PCARE: variants seen among roughly 807,000 people sequenced by gnomAD.
The protein encoded by PCARE is photoreceptor cilium actin regulator, also known as uncharacterized protein C2orf71.
Under a neutral mutation model 82.2 loss-of-function variants are expected in PCARE, and 72 were observed. The observed-to-expected ratio is 0.88, with a 90% confidence interval of 0.72 to 1.07. The LOEUF (loss-of-function observed/expected upper bound fraction) is 1.07, where lower values mean the gene tolerates loss of function less well. PCARE is among the 50% of genes least tolerant of loss of function. The pLI, the probability that PCARE is intolerant of heterozygous loss-of-function variation, is 0.00. For synonymous variants in PCARE, 705 were observed against 634.8 expected, an observed-to-expected ratio of 1.11 and a Z score of -1.66; for missense variants, 1,768 against 1,592.4, an observed-to-expected ratio of 1.11 and a Z score of -1.88.
Position 29,071,455 on chromosome 2 carries a change from A to G in PCARE, c.2807T>C (p.Val936Ala). ...SPPATSQSPE[V>A]KGGTWSQAEK... is the part of the protein sequence containing the mutation. ...TGCCTGACTCCAAGTCCCACCCTTC[A>G]CCTCGGGGCTTTGGCTGGTGGCTGG... Residue 936 changes from valine to alanine, a missense_variant, in exon 1 of 2, where the codon GTG (valine) becomes GCG (alanine). Physicochemically the swap from Val to Ala is moderately conservative, Grantham distance 64. Coordinates refer to ENST00000331664, the MANE Select transcript of PCARE (RefSeq NM_001029883.3). 6.2e-7 allele frequency: 1 copy of G among 1,612,360 alleles called. No individual in the cohort carries two copies. Among genetic ancestry groups the G allele is most frequent in the Middle Eastern group, 1.7e-4 (1 of 6,048 alleles).
At chr2:29,070,423 A>C (rs1269561704) in intron 1 of PCARE, among the ~76,000 whole-genome samples, 171 bp downstream of exon 1, 1 of 152,110 alleles carries the variant, frequency 6.6e-6, no homozygotes, top group African/African-American at 2.4e-5. Flanking sequence ...CAGTAACTCA[A>C]GGTTGGAGAG....
In PCARE at chr2:29,072,548, T is replaced by A. The variant is rs997227642; in HGVS notation, c.1714A>T (p.Thr572Ser). The change falls in exon 1 of 2, where the codon ACA (threonine) becomes TCA (serine). Residue 572 changes from threonine to serine, a missense_variant. Physicochemically the swap from Thr to Ser is moderately conservative, Grantham distance 58 (BLOSUM62 1). Transcript: ENST00000331664. ...QDWSEEEEGR[T>S]VVPPRPSTVS... ...GTGCTAGGTCTTGGGGGGACCACTG[T>A]CCTCCCCTCCTCCTCCTCAGACCAG... 6.2e-7 allele frequency: 1 copy of A among 1,614,068 alleles called. No individual in the cohort carries two copies. The highest frequency in any genetic ancestry group is 8.5e-7 in the Non-Finnish European group (1 of 1,180,004).
chr2:29,073,867 T>G lies in PCARE; in HGVS notation c.395A>C (p.Asp132Ala). Residue 132 changes from aspartate to alanine, a missense_variant, in exon 1 of 2, where the codon GAT becomes GCT. Asp to Ala is a moderately radical substitution (Grantham distance 126). Coordinates refer to ENST00000331664, the MANE Select transcript of PCARE (RefSeq NM_001029883.3). ...TTGGGTACTACTTTCCTCACTCTCATCTCCAGAAAAGTCTGCCCCTTGTGA... is the reference window on the plus strand; with the variant it reads ...TTGGGTACTACTTTCCTCACTCTCAGCTCCAGAAAAGTCTGCCCCTTGTGA... ...HGSQGADFSG[D>A]ESEESSTQDT... The G allele has an allele frequency of 6.2e-7, 1 of 1,614,214 alleles. No individual in the cohort carries two copies. Among genetic ancestry groups the G allele is most frequent in the Non-Finnish European group, 8.5e-7 (1 of 1,180,038 alleles).
At position 29,072,250 on chromosome 2, in the gene PCARE, G is replaced by A; in HGVS notation, c.2012C>T (p.Thr671Ile). 2 of 1,614,202 alleles carry A rather than the reference G, an allele frequency of 1.2e-6. No homozygotes were observed. Among genetic ancestry groups the A allele is most frequent in the Non-Finnish European group, 1.7e-6 (2 of 1,180,036 alleles). ...NTTSRLKASLTKNFSILPSQD... is the reference protein window; with the variant it reads ...NTTSRLKASLIKNFSILPSQD... ...ACTAGGCAAAATACTGAAGTTCTTG[G>A]TGAGGGATGCCTTGAGCCTGCTGGT... The change falls in exon 1 of 2, where the codon ACC becomes ATC. Residue 671 changes from threonine to isoleucine, a missense_variant. Transcript: ENST00000331664.
chr2:29,068,283 T>G (rs1212519802), intron 1 of PCARE, among the ~76,000 whole-genome samples: 1 of 152,160 alleles, frequency 6.6e-6, no homozygotes, highest in Non-Finnish European at 1.5e-5. Flanking sequence ...GAAGTTTATC[T>G]AACTGTAATA....
rs1214168160 is a variant in PCARE, at chr2:29,062,376, C to A, written c.*2493G>T. 6.6e-6 allele frequency: 1 copy of A among 152,338 alleles called. No homozygotes were observed. Among genetic ancestry groups the A allele is most frequent in the African/African-American group, 2.4e-5 (1 of 41,464 alleles). 9.4% of individuals were successfully genotyped at this position (152,338 alleles called of 1,614,324 possible). A position where few individuals can be genotyped will look rare whatever the true frequency, so the allele number is the denominator to read the frequency against. On this transcript the variant is annotated 3_prime_UTR_variant, in exon 2 of 2. Transcript: ENST00000331664. ...GTCCTCCAGAGGGACAAGGAGGCATCATGGGCATCTCCACAGCTGATGGCA... is the reference window on the plus strand; with the variant it reads ...GTCCTCCAGAGGGACAAGGAGGCATAATGGGCATCTCCACAGCTGATGGCA...
rs185972782 is a variant in PCARE at position 29,072,750 on chromosome 2, G to C, written c.1512C>G (p.Ala504=). 6.2e-7 allele frequency: 1 copy of C among 1,614,048 alleles called. No individual in the cohort carries two copies. The highest frequency in any genetic ancestry group is 8.5e-7 in the Non-Finnish European group (1 of 1,180,004). The part of the protein sequence containing the change: ...EDKMSSMSLC[A]WQEKTPHSRP... ...TTGAATGTGGAGTTTTTTCCTGCCA[G>C]GCACACAGACTCATGCTGCTCATTT... The change falls in exon 1 of 2, where the codon GCC becomes GCG. Residue 504 remains alanine, a synonymous_variant. Transcript: ENST00000331664.
intron 1 of PCARE, among the ~76,000 whole-genome samples, chr2:29,065,763 T>C (rs1033075140): frequency 6.6e-5 from 10 of 151,986 alleles, no homozygotes; most frequent in Admixed American, 6.6e-4. Flanking sequence ...CTTCCCAGAG[T>C]GGGAATTAGA....
At position 29,071,241 on chromosome 2, in the gene PCARE, C is replaced by A. The variant is rs768648796; in HGVS notation, c.3021G>T (p.Lys1007Asn). Residue 1007 changes from lysine (K) to asparagine (N), a missense_variant, in exon 1 of 2, where the codon AAG (lysine) becomes AAT (asparagine). Physicochemically the swap from Lys to Asn is moderately conservative, Grantham distance 94. Transcript: ENST00000331664. ...AAGAGGAGGGAAGGCTCCGGCGCCTCTTGTCTGCTTGAGGCACCCAGTGTG... is the reference window on the plus strand; with the variant it reads ...AAGAGGAGGGAAGGCTCCGGCGCCTATTGTCTGCTTGAGGCACCCAGTGTG... ...TRTHWVPQAD[K>N]RRRSLPSSYR... 2.5e-6 allele frequency: 4 copies of A among 1,612,682 alleles called. No homozygotes were observed. The Admixed American group carries it at 6.7e-5, about 27-fold the overall frequency.
rs757500585 is a variant in PCARE, at chr2:29,070,637, C to G, written c.3625G>C (p.Asp1209His). The G allele has an allele frequency of 1.2e-5, 20 of 1,613,896 alleles. No individual in the cohort carries two copies. The highest frequency in any genetic ancestry group is 1.6e-4 in the Middle Eastern group (1 of 6,084). The change falls in exon 1 of 2, where the codon GAC becomes CAC. Residue 1209 changes from aspartate to histidine, a missense_variant. Asp to His is a moderately conservative substitution (Grantham distance 81). Coordinates refer to ENST00000331664, the MANE Select transcript of PCARE (RefSeq NM_001029883.3). ...GATTCATAAGAGGTGCTGGTGGGGT[C>G]CAAGGTGGGAGGCTGCGGTCGGCCA... ...PGGRPQPPTL[D>H]PTSTSYESQL...
In PCARE at chr2:29,070,857, C is replaced by A. The variant is rs768019284; in HGVS notation, c.3405G>T (p.Pro1135=). ...PATSSLFEAK[P]PLSTAHPLTP... ...TCAGTGGGTGGGCTGTTGAGAGTGG[C>A]GGTTTAGCTTCAAACAGAGAGGAGG... Residue 1135 remains proline (P), a synonymous_variant, in exon 1 of 2, where the codon CCG becomes CCT. Coordinates refer to ENST00000331664, the MANE Select transcript of PCARE (RefSeq NM_001029883.3). The A allele has an allele frequency of 1.2e-6, 2 of 1,613,794 alleles. No homozygotes were observed. The highest frequency in any genetic ancestry group is 1.7e-5 in the Admixed American group (1 of 60,016).
At position 29,064,581 on chromosome 2, in the gene PCARE, C is replaced by T; in HGVS notation, c.*288G>A. 1.8e-6 allele frequency: 1 copy of T among 566,456 alleles called. No homozygotes were observed. The highest frequency in any genetic ancestry group is 3.2e-6 in the Non-Finnish European group (1 of 315,528). The allele number at this position is 566,456 out of a possible 1,614,324, so 35.1% of individuals were successfully genotyped here. A position where few individuals can be genotyped will look rare whatever the true frequency, so the allele number is the denominator to read the frequency against. ...GCATGCAACTATACATTCTCCACCC[C>T]CCACCCCACCCCAAATTAAGGCCAG... On this transcript the variant is annotated 3_prime_UTR_variant, in exon 2 of 2. Coordinates refer to ENST00000331664, the MANE Select transcript of PCARE (RefSeq NM_001029883.3).
Position 29,072,009 on chromosome 2 carries a change from C to G in PCARE, c.2253G>C (p.Lys751Asn), listed in dbSNP as rs1210557971. 6.2e-7 allele frequency: 1 copy of G among 1,614,028 alleles called. No individual in the cohort carries two copies. Among genetic ancestry groups the G allele is most frequent in the Non-Finnish European group, 8.5e-7 (1 of 1,179,896 alleles). Residue 751 changes from lysine (K) to asparagine (N), a missense_variant, in exon 1 of 2, where the codon AAG becomes AAC. Transcript: ENST00000331664. ...TGAGGCAGGGACTTGCCCCAGCGTC[C>G]TTAGAGTCCCCCAGCATCCTCAGAC... ...TESLRMLGDS[K>N]DAGASPCLRN...
In PCARE at chr2:29,071,143, C is replaced by T; in HGVS notation, c.3119G>A (p.Ser1040Asn). The T allele has an allele frequency of 2.5e-6, 4 of 1,582,198 alleles. No homozygotes were observed. Among genetic ancestry groups the T allele is most frequent in the Non-Finnish European group, 3.4e-6 (4 of 1,164,362 alleles). ...PSPPVSPRVLSPPTTKRRTSP... is the reference protein window; with the variant it reads ...PSPPVSPRVLNPPTTKRRTSP... ...AGTTCGCCGCTTTGTGGTGGGTGGG[C>T]TTAGCACCCTGGGGCTCACAGGTGG... The change falls in exon 1 of 2, where the codon AGC (serine) becomes AAC (asparagine). Residue 1040 changes from serine (S) to asparagine (N), a missense_variant. Coordinates refer to ENST00000331664, the MANE Select transcript of PCARE (RefSeq NM_001029883.3).
At position 29,071,023 on chromosome 2, in the gene PCARE, GC is replaced by G; in HGVS notation, c.3238del (p.Ala1080GlnfsTer33). The stretch of plus-strand genomic sequence containing the variant: ...GGAGGGAATCGAGAAAGGGGGGCTT[GC>G]TTCTGGGTGCTGGGTTGGGGGGCTG... ...VPSPPTQHPE[A>X]SPPFSIPSPS... is the part of the protein sequence containing the mutation. On this transcript the variant is annotated frameshift_variant, in exon 1 of 2. Transcript: ENST00000331664. LOFTEE classifies it high-confidence loss of function. The G allele has an allele frequency of 6.6e-7, 1 of 1,512,504 alleles. No homozygotes were observed. The highest frequency in any genetic ancestry group is 8.9e-7 in the Non-Finnish European group (1 of 1,121,602). 93.7% of individuals were successfully genotyped at this position (1,512,504 alleles called of 1,614,324 possible).
chr2:29,073,418 T>C lies in PCARE; in HGVS notation c.844A>G (p.Asn282Asp), dbSNP rs1667529287. The change falls in exon 1 of 2, where the codon AAT becomes GAT. Residue 282 changes from asparagine to aspartate, a missense_variant. By Grantham distance (23) the Asn-to-Asp change is conservative. Transcript: ENST00000331664. Reference protein sequence around the residue: ...QYTVSKLQVLNGTVASLTGSF... With the variant: ...QYTVSKLQVLDGTVASLTGSF... ...CCGGTGAGCGAGGCCACTGTGCCAT[T>C]GAGCACCTGCAGCTTGCTGACTGTG... 1 of 1,614,064 alleles carries C rather than the reference T, an allele frequency of 6.2e-7. No individual in the cohort carries two copies. The highest frequency in any genetic ancestry group is 8.5e-7 in the Non-Finnish European group (1 of 1,180,042).
chr2:29,072,897 T>A lies in PCARE; in HGVS notation c.1365A>T (p.Pro455=). The A allele has an allele frequency of 3.7e-6, 6 of 1,614,028 alleles. No homozygotes were observed. The highest frequency in any genetic ancestry group is 5.1e-6 in the Non-Finnish European group (6 of 1,179,970). ...SPPLKLGTST[P]CDSFGIGVSV... ...AGACCCCAATCCCAAAGGAATCACA[T>A]GGGGTGCTTGTCCCCAGCTTCAAAG... Residue 455 remains proline, a synonymous_variant, in exon 1 of 2, where the codon CCA becomes CCT. Transcript: ENST00000331664.
rs142864140 is a variant in PCARE, at chr2:29,068,249, T to G, written c.3668+2345A>C. 5.7e-3 allele frequency among the ~76,000 whole-genome samples: 868 copies of G among 152,358 alleles called. 9 individuals are homozygous for G. The highest frequency in any genetic ancestry group is 0.02 in the African/African-American group (818 of 41,588). On this transcript the variant is annotated intron_variant, in intron 1 of 1. Transcript: ENST00000331664. ...AAGATTCTTGCAAAAATAATCAATA[T>G]TTCATTTCTTTCAAGTGGCTGGGGA... is the stretch of plus-strand genomic sequence containing the variant.
At chr2:29,067,929 C>T (rs758212654) in intron 1 of PCARE, among the ~76,000 whole-genome samples, 1 of 152,228 alleles carries the variant, frequency 6.6e-6, no homozygotes, top group Non-Finnish European at 1.5e-5. Flanking sequence ...ACCTTTTAGG[C>T]TGCCCTATTC....
Sources: allele counts gnomAD v4.1 joint callset (sites outside exome capture counted in the v4.1 genomes callset), GRCh38; gene constraint gnomAD v4.1.1; transcripts MANE v1.5; gene names NCBI Gene and HGNC (gene_info 2026-07-23, HGNC 2026-07-21).